Variants in SLC24A3 observed in about 807,000 individuals in gnomAD.
The protein encoded by SLC24A3 is sodium/potassium/calcium exchanger 3.
In SLC24A3, 28 loss-of-function variants were observed where a neutral mutation model predicts 75.8. That is an observed-to-expected ratio of 0.37 (90% CI 0.27 to 0.51). The LOEUF is 0.51. Among genes scored for constraint, SLC24A3 ranks in the 20% least tolerant of loss-of-function variants. The pLI, the probability that SLC24A3 is intolerant of heterozygous loss-of-function variation, is 0.94. For missense variants in SLC24A3, 663 were observed against 847.8 expected (o/e 0.78, Z 2.71); for synonymous variants, 372 against 334.1 (o/e 1.11, Z -1.24).
At chr20:19,381,551 G>T (rs1195300060) in intron 2 of SLC24A3, among the ~76,000 whole-genome samples, 1 of 152,166 alleles carries the variant, frequency 6.6e-6, no homozygotes, top group East Asian at 1.9e-4. Context: ...GAGAAGGGGT[G>T]CCCTCCACTG....
At chr20:19,287,603 C>T (rs907829747) in intron 2 of SLC24A3, among the ~76,000 whole-genome samples, 1 of 152,194 alleles carries the variant, frequency 6.6e-6, no homozygotes, top group Non-Finnish European at 1.5e-5. Flanking sequence ...CTGGCTATAG[C>T]TCTTGCTTTA....
intron 7 of SLC24A3, among the ~76,000 whole-genome samples, chr20:19,655,055 C>G (rs1306670863): frequency 6.6e-6 from 1 of 152,176 alleles, no homozygotes; most frequent in Non-Finnish European, 1.5e-5. Context: ...ACCTTTCCCT[C>G]AACTCCCAGC....
intron 3 of SLC24A3, among the ~76,000 whole-genome samples, chr20:19,555,222 C>T (rs2030763723): frequency 6.6e-6 from 1 of 151,872 alleles, no homozygotes; most frequent in African/African-American, 2.4e-5. Flanking sequence ...ACTTGCTACT[C>T]ATAAATAAGC....
At chr20:19,270,967 A>C (rs1983313269) in intron 1 of SLC24A3, among the ~76,000 whole-genome samples, 1 of 152,192 alleles carries the variant, frequency 6.6e-6, no homozygotes, top group Non-Finnish European at 1.5e-5. Flanking sequence ...TTTGAAGTCC[A>C]GCAAGGGCCA....
At chr20:19,714,467 A>T (rs144460181) in intron 15 of SLC24A3, among the ~76,000 whole-genome samples, 159 of 151,104 alleles carry the variant, frequency 1.1e-3, no homozygotes, top group African/African-American at 3.8e-3. Flanking sequence ...GCCCCAAACC[A>T]TCCATAGCTG....
chr20:19,426,413 G>A (rs1297214608), intron 2 of SLC24A3, among the ~76,000 whole-genome samples: 1 of 152,126 alleles, frequency 6.6e-6, no homozygotes, highest in Non-Finnish European at 1.5e-5. Context: ...ATTATTTGTG[G>A]TTAGATTCAA....
At chr20:19,637,855 G>T (rs552519619) in intron 6 of SLC24A3, among the ~76,000 whole-genome samples, 1 of 152,056 alleles carries the variant, frequency 6.6e-6, no homozygotes, top group African/African-American at 2.4e-5. Context: ...GACACAGAGG[G>T]GAAAGCTTCA....
At chr20:19,326,187 G>T (rs562975147) in intron 2 of SLC24A3, among the ~76,000 whole-genome samples, 13 of 152,144 alleles carry the variant, frequency 8.5e-5, no homozygotes, top group Admixed American at 3.3e-4. Context: ...GTATGCAAAG[G>T]GGGTAGTGCT....
At chr20:19,234,966 A>C (rs1982121712) in intron 1 of SLC24A3, among the ~76,000 whole-genome samples, 1 of 152,120 alleles carries the variant, frequency 6.6e-6, no homozygotes, top group Non-Finnish European at 1.5e-5. Flanking sequence ...ACTGTGTAGA[A>C]GCTGTTGGCA....
intron 2 of SLC24A3, among the ~76,000 whole-genome samples, chr20:19,426,422 A>G (rs970921612): frequency 2.6e-5 from 4 of 152,206 alleles, no homozygotes; most frequent in Non-Finnish European, 1.5e-5. Context: ...GGTTAGATTC[A>G]ATTGTTTATA....
At chr20:19,554,363 T>G (rs1173854458) in intron 3 of SLC24A3, among the ~76,000 whole-genome samples, 1 of 152,190 alleles carries the variant, frequency 6.6e-6, no homozygotes, top group Non-Finnish European at 1.5e-5. Flanking sequence ...TCATTGCATA[T>G]GTAGCTCACG....
intron 1 of SLC24A3, among the ~76,000 whole-genome samples, chr20:19,236,078 T>C (rs867096625): frequency 5.3e-5 from 8 of 152,260 alleles, no homozygotes; most frequent in African/African-American, 1.9e-4. Flanking sequence ...CTTTTCTGTT[T>C]TTGAATTTAT....
At chr20:19,533,728 T>C (rs543942281) in intron 3 of SLC24A3, among the ~76,000 whole-genome samples, 2 of 152,300 alleles carry the variant, frequency 1.3e-5, no homozygotes, top group East Asian at 3.9e-4. Context: ...CTAAGGAGTT[T>C]AGATTTTATC....
chr20:19,345,513 C>T (rs780168318), intron 2 of SLC24A3, among the ~76,000 whole-genome samples: 25 of 152,112 alleles, frequency 1.6e-4, no homozygotes, highest in Middle Eastern at 3.4e-3. Context: ...TGTAAAGCTA[C>T]GGTAATCAAG....
intron 2 of SLC24A3, among the ~76,000 whole-genome samples, chr20:19,330,702 G>A (rs936584485): frequency 6.6e-6 from 1 of 152,178 alleles, no homozygotes; most frequent in Admixed American, 6.5e-5. Flanking sequence ...AGTAAAGATT[G>A]GTCTGATAAA....
At chr20:19,675,786 C>A (rs997752155) in intron 9 of SLC24A3, among the ~76,000 whole-genome samples, 7 of 152,180 alleles carry the variant, frequency 4.6e-5, no homozygotes, top group Non-Finnish European at 7.3e-5. Context: ...TTCCAGCCCC[C>A]AAAGGAAAAG....
At chr20:19,700,625 A>G (rs1022320678) in intron 15 of SLC24A3, among the ~76,000 whole-genome samples, 2 of 152,246 alleles carry the variant, frequency 1.3e-5, no homozygotes. Flanking sequence ...ACTATTGTTA[A>G]CATTTCAGCA....
chr20:19,711,336 C>T lies in SLC24A3; in HGVS notation c.1720-6192C>T, dbSNP rs960063082. 9.9e-5 allele frequency among the ~76,000 whole-genome samples: 15 copies of T among 151,492 alleles called. 1 individual carries two copies. The highest frequency in any genetic ancestry group is 2.1e-4 in the South Asian group (1 of 4,794). On this transcript the variant is annotated intron_variant, in intron 15 of 16. Transcript: ENST00000328041. The stretch of plus-strand genomic sequence containing the variant: ...ACAAACGCACACACATGCATGCACA[C>T]GTGCAAACATACCACACACATGCAT...
chr20:19,317,494 G>T (rs1984613013), intron 2 of SLC24A3, among the ~76,000 whole-genome samples: 1 of 152,192 alleles, frequency 6.6e-6, no homozygotes. Flanking sequence ...AAAGGAAAAA[G>T]ATCACTTCAG....
Sources: gnomAD v4.1 joint callset for allele counts (sites outside exome capture counted in the v4.1 genomes callset) on GRCh38, gnomAD v4.1.1 for gene constraint, MANE v1.5 for transcripts, NCBI Gene and HGNC (gene_info 2026-07-23, HGNC 2026-07-21) for gene names.